Variants in BICRA observed in about 807,000 individuals in gnomAD.
BICRA encodes BRD4-interacting chromatin-remodeling complex-associated protein.
In BICRA, 31 loss-of-function variants were observed where a neutral mutation model predicts 96.9. That is an observed-to-expected ratio of 0.32 (90% CI 0.24 to 0.43). The LOEUF (loss-of-function observed/expected upper bound fraction) is 0.43. BICRA is among the 20% of genes least tolerant of loss of function. The probability of loss-of-function intolerance (pLI) is 1.00; values close to 1 mark genes in which losing one functional copy is unlikely to be tolerated. For synonymous variants in BICRA, 1,350 were observed against 1,071.8 expected (o/e 1.26, Z -5.07); for missense variants, 2,283 against 2,190.3 (o/e 1.04, Z -0.84).
chr19:47,611,272 T>G (rs1243495005), intron 1 of BICRA, among the ~76,000 whole-genome samples: 1 of 151,638 alleles, frequency 6.6e-6, no homozygotes, highest in Non-Finnish European at 1.5e-5. Flanking sequence ...GCGGCCAGAT[T>G]TTTTTTTTCC....
Position 47,679,701 on chromosome 19 carries a change from C to A in BICRA, c.531C>A (p.Thr177=), listed in dbSNP as rs1311645644. The A allele has an allele frequency of 6.5e-7, 1 of 1,533,450 alleles. No individual in the cohort carries two copies. The highest frequency in any genetic ancestry group is 1.2e-5 in the South Asian group (1 of 82,296). The allele number at this position is 1,533,450 out of a possible 1,614,324, so 95.0% of individuals were successfully genotyped here. A position where few individuals can be genotyped will look rare whatever the true frequency, so the allele number is the denominator to read the frequency against. The part of the protein sequence containing the change: ...LGLQGPPTVL[T]HQALVPPQDV... ...TGCAGGGCCCGCCTACCGTGCTGAC[C>A]CACCAGGCCCTGGTGCCGCCCCAGG... is the stretch of plus-strand genomic sequence containing the variant. The change falls in exon 6 of 15, where the codon ACC becomes ACA. Residue 177 remains threonine (T), a synonymous_variant. Coordinates refer to ENST00000594866, the MANE Select transcript of BICRA (RefSeq NM_001394372.1).
chr19:47,622,806 A>G (rs1377347913), intron 1 of BICRA, among the ~76,000 whole-genome samples: 1 of 151,350 alleles, frequency 6.6e-6, no homozygotes, highest in African/African-American at 2.4e-5. Context: ...TTGGGAGCCC[A>G]AGGTGGGTGG....
At chr19:47,639,319 ATTTTTTTT>A (rs35509834) in intron 1 of BICRA, among the ~76,000 whole-genome samples, 1 of 52,368 alleles carries the variant, frequency 1.9e-5, no homozygotes, top group African/African-American at 8.7e-5. Context: ...CCCACCCTGC[ATTTTTTTT>A]TTTTTTTTTT....
chr19:47,696,014 A>C (rs1599867639), intron 10 of BICRA, among the ~76,000 whole-genome samples: 1 of 152,098 alleles, frequency 6.6e-6, no homozygotes, highest in African/African-American at 2.4e-5. Context: ...AGATGCCAGA[A>C]TGAAGGCCAG....
At position 47,694,460 on chromosome 19, in the gene BICRA, C is replaced by T; in HGVS notation, c.2629C>T (p.Pro877Ser). The T allele has an allele frequency of 1.8e-6, 2 of 1,091,986 alleles. 1 individual carries two copies. The highest frequency in any genetic ancestry group is 2.8e-6 in the Non-Finnish European group (2 of 716,602). 67.6% of individuals were successfully genotyped at this position (1,091,986 alleles called of 1,614,324 possible). ...GCCTGAGGGACCGCTGCCCCCAGCC[C>T]CCCACCTCCCTCCATCCTCCACCTC... Reference protein sequence around the residue: ...QPPEGPLPPAPHLPPSSTSSA... With the variant: ...QPPEGPLPPASHLPPSSTSSA... The change falls in exon 8 of 15, where the codon CCC becomes TCC. Residue 877 changes from proline to serine, a missense_variant. Transcript: ENST00000594866.
At chr19:47,616,146 G>A (rs1971981313) in intron 1 of BICRA, 1 of 152,398 alleles carries the variant, frequency 6.6e-6, no homozygotes, top group Admixed American at 6.5e-5. Flanking sequence ...AACTGGAAGA[G>A]TGGGCATGAG....
chr19:47,687,567 C>T (rs1311881066), intron 7 of BICRA, among the ~76,000 whole-genome samples: 4 of 151,988 alleles, frequency 2.6e-5, no homozygotes, highest in Admixed American at 6.6e-5. Flanking sequence ...GAGGCCGAGG[C>T]GGGCAATCAC....
At chr19:47,674,015 A>T (rs1458356743) in intron 4 of BICRA, among the ~76,000 whole-genome samples, 1 of 152,222 alleles carries the variant, frequency 6.6e-6, no homozygotes, top group Non-Finnish European at 1.5e-5. Context: ...AGAGTATGAT[A>T]AAAAATAATA....
chr19:47,622,973 G>T (rs1223713865), intron 1 of BICRA, among the ~76,000 whole-genome samples: 2 of 142,832 alleles, frequency 1.4e-5, no homozygotes, highest in East Asian at 4.4e-4. Context: ...GGAGGCGGAG[G>T]TTGCAATGAG....
In BICRA at chr19:47,701,248, T is replaced by C; in HGVS notation, c.3596-80T>C. On this transcript the variant is annotated intron_variant, in intron 14 of 14. Coordinates refer to ENST00000594866, the MANE Select transcript of BICRA (RefSeq NM_001394372.1). This position sits in a 1 kb window ranked among gnomAD's most constrained non-coding sequence, Gnocchi z 5.4. ...CTGGTGCCTGGCAGGTAGTAGGTGCTCACTGCACACAGCTCCTCCCAGCTC... is the reference window on the plus strand; with the variant it reads ...CTGGTGCCTGGCAGGTAGTAGGTGCCCACTGCACACAGCTCCTCCCAGCTC... 1 of 947,774 alleles carries C rather than the reference T, an allele frequency of 1.1e-6. No individual in the cohort carries two copies. Among genetic ancestry groups the C allele is most frequent in the East Asian group, 2.5e-5 (1 of 39,368 alleles). The allele number at this position is 947,774 out of a possible 1,614,324, so 58.7% of individuals were successfully genotyped here.
intron 1 of BICRA, among the ~76,000 whole-genome samples, chr19:47,668,089 G>A (rs1277251538): frequency 3.3e-5 from 5 of 152,148 alleles, no homozygotes; most frequent in African/African-American, 1.2e-4. Flanking sequence ...AATTAGCTGG[G>A]CGTGGTGGTG....
chr19:47,627,381 CCTT>C (rs1972157001), intron 1 of BICRA, among the ~76,000 whole-genome samples: 1 of 152,104 alleles, frequency 6.6e-6, no homozygotes, highest in African/African-American at 2.4e-5. Context: ...CCTACTTCCT[CCTT>C]GGAGGTTAAA....
intron 7 of BICRA, 138 bp downstream of exon 7, chr19:47,682,290 C>G: frequency 1.8e-6 from 1 of 556,894 alleles, no homozygotes; most frequent in Non-Finnish European, 3.2e-6. Context: ...CTTCACCCCC[C>G]AAGTGTCTCC....
At chr19:47,664,625 G>A (rs926798307) in intron 1 of BICRA, among the ~76,000 whole-genome samples, 15 of 152,190 alleles carry the variant, frequency 9.9e-5, no homozygotes, top group African/African-American at 2.4e-4. Context: ...GCTGGTACCC[G>A]GAAGCACTCA....
At chr19:47,653,274 C>T (rs960831177) in intron 1 of BICRA, among the ~76,000 whole-genome samples, 2 of 151,186 alleles carry the variant, frequency 1.3e-5, no homozygotes, top group Non-Finnish European at 2.9e-5. Flanking sequence ...CCGCCTGCCT[C>T]GGCCTCCCAA....
chr19:47,677,065 TGA>T, intron 5 of BICRA, among the ~76,000 whole-genome samples: 1 of 152,288 alleles, frequency 6.6e-6, no homozygotes, highest in East Asian at 1.9e-4. Flanking sequence ...CACCAGTGGT[TGA>T]CCCAGGCAGT....
intron 1 of BICRA, among the ~76,000 whole-genome samples, chr19:47,627,823 G>C (rs1599791296): frequency 2.0e-5 from 3 of 152,162 alleles, no homozygotes; most frequent in African/African-American, 7.2e-5. Flanking sequence ...AGGCTGGAGT[G>C]CAGTGGCACG....
Position 47,635,688 on chromosome 19 carries a change from A to G in BICRA, c.-108+26520A>G, listed in dbSNP as rs1237431341. Among the ~76,000 whole-genome samples the G allele has an allele frequency of 1.4e-5, 2 of 141,652 alleles. 1 individual carries two copies. Among genetic ancestry groups the G allele is most frequent in the Non-Finnish European group, 3.2e-5 (2 of 63,204 alleles). 92.9% of individuals were successfully genotyped at this position (141,652 alleles called of 152,430 possible). A position where few individuals can be genotyped will look rare whatever the true frequency, so the allele number is the denominator to read the frequency against. ...ATTCCCTACTCTAGGCACCTCATCT[A>G]AGTGGAATCATGTGATATTTGTCCC... On this transcript the variant is annotated intron_variant, in intron 1 of 14. Transcript: ENST00000594866.
chr19:47,611,057 A>G (rs1280572562), intron 1 of BICRA, among the ~76,000 whole-genome samples: 2 of 152,174 alleles, frequency 1.3e-5, no homozygotes, highest in South Asian at 2.1e-4. Flanking sequence ...CGTTTTCCAG[A>G]CAGGTTCATG....
Sources: allele counts gnomAD v4.1 joint callset (sites outside exome capture counted in the v4.1 genomes callset), GRCh38; gene constraint gnomAD v4.1.1; non-coding constraint Gnocchi (gnomAD v3.1); transcripts MANE v1.5; gene names NCBI Gene and HGNC (gene_info 2026-07-23, HGNC 2026-07-21).